ODAD3: variants seen among roughly 807,000 people sequenced by gnomAD.
The protein encoded by ODAD3 is outer dynein arm-docking complex subunit 3.
In ODAD3, 57 loss-of-function variants were observed where a neutral mutation model predicts 70.9. The ratio of observed to expected loss-of-function variants is 0.80; its 90% CI spans 0.65 to 1.00. ODAD3 has a LOEUF of 1.00. Among genes scored for constraint, ODAD3 ranks in the 50% least tolerant of loss-of-function variants. The pLI is 0.00. For synonymous variants in ODAD3, 327 were observed against 315.9 expected, an observed-to-expected ratio of 1.04 and a Z score of -0.37; for missense variants, 797 against 763.9, an observed-to-expected ratio of 1.04 and a Z score of -0.51.
chr19:11,421,058 T>G (rs1969120210), intron 12 of ODAD3, 70 bp downstream of exon 12: 2 of 1,567,404 alleles, frequency 1.3e-6, no homozygotes, highest in Admixed American at 1.7e-5. Flanking sequence ...CTGAACAGGG[T>G]ATCTGACAAC....
intron 11 of ODAD3, 95 bp from the exon 12 acceptor site, chr19:11,421,307 T>C (rs1486297617): frequency 1.7e-6 from 2 of 1,175,854 alleles, no homozygotes; most frequent in African/African-American, 3.1e-5. Flanking sequence ...TTCCGAGATA[T>C]GCCCTAGTTC....
At chr19:11,431,657 G>A (rs983177420) in intron 1 of ODAD3, among the ~76,000 whole-genome samples, 12 of 151,576 alleles carry the variant, frequency 7.9e-5, no homozygotes, top group Admixed American at 2.6e-4. Flanking sequence ...GGGCATGGCC[G>A]GGCACGGTGG....
chr19:11,425,001 ATGTATATATG>A (rs1969255294), intron 7 of ODAD3, among the ~76,000 whole-genome samples: 1 of 133,336 alleles, frequency 7.5e-6, no homozygotes, highest in Admixed American at 7.2e-5. Flanking sequence ...ATATGTGTAT[ATGTATATATG>A]TGTATATATA....
upstream of ODAD3, chr19:11,435,734 C>T (rs1177561706): frequency 3.0e-6 from 4 of 1,342,270 alleles, no homozygotes; most frequent in African/African-American, 1.5e-5. Flanking sequence ...GGTGGGAGGG[C>T]ACCTCAGTTT....
At chr19:11,424,995 GTGTATA>G (rs1261045393) in intron 7 of ODAD3, among the ~76,000 whole-genome samples, 6 of 132,490 alleles carry the variant, frequency 4.5e-5, no homozygotes, top group Middle Eastern at 0.012. Flanking sequence ...ATGTACATAT[GTGTATA>G]TGTATATATG....
At position 11,425,789 on chromosome 19, in the gene ODAD3, G is replaced by A. The variant is rs952996137; in HGVS notation, c.963+355C>T. 8.1e-4 allele frequency among the ~76,000 whole-genome samples: 123 copies of A among 151,602 alleles called. 1 individual carries two copies. Among genetic ancestry groups the A allele is most frequent in the Admixed American group, 6.3e-3 (95 of 15,178 alleles). On this transcript the variant is annotated intron_variant, in intron 7 of 12. Transcript: ENST00000356392. ...GCCTCAGGGCAGGTGCAGGGGCGGG[G>A]CCAAGAGTGAGGGGGCAGGGCCTTA...
rs1377649051 is a variant in ODAD3 at position 11,425,238 on chromosome 19, T to C, written c.963+906A>G. ...GTGTATATATGTGTGTATATGTACATATGTGTATATATGTATATGTACATA... is the reference window on the plus strand; with the variant it reads ...GTGTATATATGTGTGTATATGTACACATGTGTATATATGTATATGTACATA... On this transcript the variant is annotated intron_variant, in intron 7 of 12. Coordinates refer to ENST00000356392, the MANE Select transcript of ODAD3 (RefSeq NM_145045.5). Among the ~76,000 whole-genome samples, 9 of 137,924 alleles carry C rather than the reference T, an allele frequency of 6.5e-5. 1 individual carries two copies. The highest frequency in any genetic ancestry group is 1.2e-4 in the Non-Finnish European group (8 of 66,602). 90.5% of individuals were successfully genotyped at this position (137,924 alleles called of 152,430 possible).
At chr19:11,424,614 T>C in intron 7 of ODAD3, among the ~76,000 whole-genome samples, 1 of 131,694 alleles carries the variant, frequency 7.6e-6, no homozygotes, top group Admixed American at 7.5e-5. Context: ...TGTGTATATA[T>C]ACCTATGTGT....
In ODAD3 at chr19:11,421,847, G is replaced by C; in HGVS notation, c.1435-15C>G. On this transcript the variant is annotated splice_polypyrimidine_tract_variant and intron_variant, in intron 10 of 12. Coordinates refer to ENST00000356392, the MANE Select transcript of ODAD3 (RefSeq NM_145045.5). Reference sequence around the variant, plus strand: ...CGGCCGTCCTCCTGCGGCCAGGGTAGAGCCGGGTCAGCCGAGAGGGGTGGG... The same window carrying C: ...CGGCCGTCCTCCTGCGGCCAGGGTACAGCCGGGTCAGCCGAGAGGGGTGGG... The C allele has an allele frequency of 6.2e-7, 1 of 1,608,724 alleles. No individual in the cohort carries two copies. The highest frequency in any genetic ancestry group is 8.5e-7 in the Non-Finnish European group (1 of 1,177,586).
In ODAD3 at chr19:11,420,851, C is replaced by A; in HGVS notation, c.1772G>T (p.Arg591Leu). Reference sequence around the variant, plus strand: ...AGGACGAGTCTAGGACCTCCGAGAGCGACGGTGCTTCTTGTGACTTTCGAT... The same window carrying A: ...AGGACGAGTCTAGGACCTCCGAGAGAGACGGTGCTTCTTGTGACTTTCGAT... ...KLIESHKKHR[R>L]SRRS The change falls in exon 13 of 13, where the codon CGC becomes CTC. Residue 591 changes from arginine to leucine, a missense_variant. By Grantham distance (102) the Arg-to-Leu change is moderately radical. Coordinates refer to ENST00000356392, the MANE Select transcript of ODAD3 (RefSeq NM_145045.5). 1 of 1,613,930 alleles carries A rather than the reference C, an allele frequency of 6.2e-7. No individual in the cohort carries two copies. Among genetic ancestry groups the A allele is most frequent in the Non-Finnish European group, 8.5e-7 (1 of 1,179,972 alleles).
intron 1 of ODAD3, 42 bp downstream of exon 1, chr19:11,434,731 C>T: frequency 6.4e-7 from 1 of 1,566,704 alleles, no homozygotes; most frequent in Non-Finnish European, 8.7e-7. Context: ...TGGATGGGCA[C>T]TGTTGACCCC....
In ODAD3 at chr19:11,434,853, C is replaced by T. The variant is rs752187225; in HGVS notation, c.164G>A (p.Gly55Glu). The T allele has an allele frequency of 9.3e-6, 15 of 1,614,078 alleles. No individual in the cohort carries two copies. In the South Asian group the frequency reaches 9.9e-5, roughly 11 times the overall value. The stretch of plus-strand genomic sequence containing the variant: ...CCCTGCACCTCTGTGGAAGGATCCT[C>T]CCTTGGAACGGCCTGGGGTCCACGC... The part of the protein sequence containing the change: ...AQAWTPGRSK[G>E]GSFHRGAGKP... The change falls in exon 1 of 13, where the codon GGA becomes GAA. Residue 55 changes from glycine to glutamate, a missense_variant. By Grantham distance (98) the Gly-to-Glu change is moderately conservative. Coordinates refer to ENST00000356392, the MANE Select transcript of ODAD3 (RefSeq NM_145045.5).
chr19:11,434,114 G>A (rs564280482), intron 1 of ODAD3, among the ~76,000 whole-genome samples: 2 of 152,102 alleles, frequency 1.3e-5, no homozygotes, highest in Non-Finnish European at 2.9e-5. Context: ...TCAGGAGGCT[G>A]AGGCTCGAGA....
chr19:11,435,404 T>C (rs1969658196), upstream of ODAD3: 3 of 393,452 alleles, frequency 7.6e-6, no homozygotes, highest in Non-Finnish European at 1.4e-5. Flanking sequence ...TTTCAGGAAC[T>C]TTCTTTCCGG....
At chr19:11,427,299 CG>C (rs1196943870) in intron 3 of ODAD3, among the ~76,000 whole-genome samples, 3 of 150,580 alleles carry the variant, frequency 2.0e-5, no homozygotes, top group Admixed American at 2.0e-4. Context: ...TTCTTTCTTT[CG>C]TTTTTTTTTT....
At chr19:11,425,557 A>ATG (rs1969338562) in intron 7 of ODAD3, among the ~76,000 whole-genome samples, 154 of 136,548 alleles carry the variant, frequency 1.1e-3, no homozygotes, top group African/African-American at 4.3e-3. Flanking sequence ...GTATATATGT[A>ATG]TATATGTGTG....
At chr19:11,426,114 TCA>T in intron 7 of ODAD3, 28 bp downstream of exon 7, 3 of 1,594,190 alleles carry the variant, frequency 1.9e-6, no homozygotes, top group Non-Finnish European at 2.6e-6. Context: ...TGGGCTGGAG[TCA>T]CAGGCGCGCA....
chr19:11,425,164 T>C (rs1462731214), intron 7 of ODAD3, among the ~76,000 whole-genome samples: 4 of 133,714 alleles, frequency 3.0e-5, no homozygotes, highest in Admixed American at 2.1e-4. Flanking sequence ...TATATACATA[T>C]GTGTATATGT....
intron 3 of ODAD3, 34 bp from the exon 4 acceptor site, chr19:11,427,074 C>T (rs768289144): frequency 1.5e-5 from 23 of 1,529,060 alleles, no homozygotes; most frequent in Non-Finnish European, 8.8e-7. Context: ...GCAGGAGCCT[C>T]AACACCCTAC....
Sources: allele counts gnomAD v4.1 joint callset (sites outside exome capture counted in the v4.1 genomes callset), GRCh38; gene constraint gnomAD v4.1.1; transcripts MANE v1.5; gene names NCBI Gene and HGNC (gene_info 2026-07-23, HGNC 2026-07-21).